NCAM1: variants seen among roughly 807,000 people sequenced by gnomAD.
NCAM1 encodes antigen recognized by monoclonal antibody 5.1H11.
A neutral mutation model predicts 109.8 loss-of-function variants in NCAM1; 14 were observed. That is an observed-to-expected ratio of 0.13 (90% confidence interval 0.08 to 0.20). The LOEUF (loss-of-function observed/expected upper bound fraction) is 0.20. Among genes scored for constraint, NCAM1 ranks in the 10% least tolerant of loss-of-function variants. The pLI is 1.00. For missense variants in NCAM1, 774 were observed against 1,109.9 expected (o/e 0.70, Z 4.30); for synonymous variants, 418 against 442.9 (o/e 0.94, Z 0.70).
In NCAM1 at chr11:113,185,079, T is replaced by TATATATATAG; in HGVS notation, c.53-17299_53-17298insTATATATAGA. Among the ~76,000 whole-genome samples the TATATATATAG allele has an allele frequency of 2.4e-3, 305 of 125,740 alleles. 2 individuals are homozygous for TATATATATAG. Among genetic ancestry groups the TATATATATAG allele is most frequent in the Middle Eastern group, 0.016 (4 of 256 alleles). 82.5% of individuals were successfully genotyped at this position (125,740 alleles called of 152,430 possible). Reference sequence around the variant, plus strand: ...GTGTGCATTTATATTTATATATATATAGAGAGAGAGAGAGAGAGAGAGAGA... The same window carrying TATATATATAG: ...GTGTGCATTTATATTTATATATATATATATATATAGAGAGAGAGAGAGAGAGAGAGAGAGA... On this transcript the variant is annotated intron_variant, in intron 1 of 19. Transcript: ENST00000316851.
chr11:113,040,002 G>C (rs1428114024), intron 1 of NCAM1, among the ~76,000 whole-genome samples: 1 of 152,098 alleles, frequency 6.6e-6, no homozygotes, highest in African/African-American at 2.4e-5. Flanking sequence ...TTATCCGGGC[G>C]TGGTGGCATG....
intron 1 of NCAM1, among the ~76,000 whole-genome samples, chr11:113,195,891 G>A (rs997632585): frequency 4.3e-4 from 62 of 144,982 alleles, no homozygotes; most frequent in African/African-American, 1.6e-3. Flanking sequence ...GTGTCATTGG[G>A]AATTTTGTTT....
intron 8 of NCAM1, among the ~76,000 whole-genome samples, chr11:113,216,432 G>T (rs903174379): frequency 1.3e-5 from 2 of 152,192 alleles, no homozygotes; most frequent in Non-Finnish European, 2.9e-5. Flanking sequence ...GATTACAGGC[G>T]TGAGCCACCG....
chr11:113,228,855 G>A (rs1655349892), intron 9 of NCAM1, among the ~76,000 whole-genome samples: 1 of 152,168 alleles, frequency 6.6e-6, no homozygotes, highest in East Asian at 1.9e-4. Flanking sequence ...TTTAATAAAT[G>A]GTGCTGGGAA....
At chr11:113,182,773 G>C (rs1172622325) in intron 1 of NCAM1, among the ~76,000 whole-genome samples, 2 of 152,148 alleles carry the variant, frequency 1.3e-5, no homozygotes, top group African/African-American at 2.4e-5. Context: ...ACTGGGGAGC[G>C]GGGCTGCAAG....
intron 1 of NCAM1, among the ~76,000 whole-genome samples, chr11:113,049,717 T>C (rs1006672084): frequency 6.6e-6 from 1 of 152,184 alleles, no homozygotes; most frequent in Non-Finnish European, 1.5e-5. Flanking sequence ...TAGCAGGGGC[T>C]CTAACAGAAG....
chr11:113,115,271 G>C (rs1284845845), intron 1 of NCAM1, among the ~76,000 whole-genome samples: 1 of 152,178 alleles, frequency 6.6e-6, no homozygotes. Flanking sequence ...AATAGGTACT[G>C]TGTCAAGGAA....
intron 1 of NCAM1, among the ~76,000 whole-genome samples, chr11:113,040,088 G>A (rs529436135): frequency 6.6e-6 from 1 of 152,170 alleles, no homozygotes; most frequent in Non-Finnish European, 1.5e-5. Flanking sequence ...GTTGCAGTGA[G>A]CCGAGATCGC....
intron 1 of NCAM1, among the ~76,000 whole-genome samples, chr11:113,060,924 C>T (rs1245100): frequency 0.83 from 126,591 of 152,140 alleles, 52,998 homozygotes; most frequent in African/African-American, 0.92. Flanking sequence ...TGGTTAAGAA[C>T]ACTTGACGTA....
At chr11:113,246,754 T>C (rs1191653121) in intron 15 of NCAM1, among the ~76,000 whole-genome samples, 1 of 152,266 alleles carries the variant, frequency 6.6e-6, no homozygotes, top group Non-Finnish European at 1.5e-5. Flanking sequence ...CTAAACACCA[T>C]AGTTGTTCTA....
intron 1 of NCAM1, among the ~76,000 whole-genome samples, chr11:113,006,476 T>C (rs1328981169): frequency 6.6e-6 from 1 of 152,164 alleles, no homozygotes; most frequent in Non-Finnish European, 1.5e-5. Context: ...AAACCTACAA[T>C]TGGTATTCAC....
chr11:113,049,098 G>A (rs1953372407), intron 1 of NCAM1, among the ~76,000 whole-genome samples: 2 of 152,164 alleles, frequency 1.3e-5, no homozygotes, highest in South Asian at 4.1e-4. Context: ...GGGTGTGACA[G>A]CTTCATGGGT....
Position 113,273,277 on chromosome 11 carries a change from G to A in NCAM1, c.2456+1401G>A, listed in dbSNP as rs946664336. On this transcript the variant is annotated intron_variant, in intron 19 of 19. Coordinates refer to ENST00000316851, the MANE Select transcript of NCAM1 (RefSeq NM_181351.5). This position sits in a 1 kb window ranked among gnomAD's most constrained non-coding sequence, Gnocchi z 6.0. ...TCTTCTAGTGTCCTGGCTAACCAAG[G>A]GGCTGTCCTCAGCCCAAGCGCCCCT... 1 of 354,890 alleles carries A rather than the reference G, an allele frequency of 2.8e-6. No homozygotes were observed. The highest frequency in any genetic ancestry group is 5.6e-6 in the Non-Finnish European group (1 of 179,206). 22.0% of individuals were successfully genotyped at this position (354,890 alleles called of 1,614,324 possible).
chr11:113,194,486 A>G (rs1007150791), intron 1 of NCAM1, among the ~76,000 whole-genome samples: 11 of 152,106 alleles, frequency 7.2e-5, no homozygotes, highest in Non-Finnish European at 1.5e-4. Flanking sequence ...ATGAAAAATG[A>G]TAGATTTTGG....
intron 1 of NCAM1, among the ~76,000 whole-genome samples, chr11:113,109,626 G>A (rs1565441652): frequency 6.6e-6 from 1 of 152,168 alleles, no homozygotes; most frequent in Non-Finnish European, 1.5e-5. Flanking sequence ...GTGCTTTCAA[G>A]GAACTGTTTG....
intron 1 of NCAM1, among the ~76,000 whole-genome samples, chr11:113,185,317 C>A (rs1436103): frequency 0.84 from 127,031 of 151,774 alleles, 53,571 homozygotes; most frequent in African/African-American, 0.94. Context: ...ATAGTCAAGC[C>A]GAAAGAAAGA....
rs1315992745 is a variant in NCAM1, at chr11:113,128,712, T to C, written c.53-73667T>C. 2.6e-5 allele frequency among the ~76,000 whole-genome samples: 4 copies of C among 152,220 alleles called. No homozygotes were observed. The East Asian group carries it at 7.7e-4, about 29-fold the overall frequency. On this transcript the variant is annotated intron_variant, in intron 1 of 19. Transcript: ENST00000316851. ...GAAAAATAGGCCTCGTATTTCTCAT[T>C]TTATTGGAGACTCTTTTTAGCAGGG...
intron 1 of NCAM1, among the ~76,000 whole-genome samples, chr11:113,175,107 C>T (rs1282224655): frequency 6.6e-6 from 1 of 152,186 alleles, no homozygotes; most frequent in Non-Finnish European, 1.5e-5. Context: ...CTTAGATTAA[C>T]TGAAGCCTTT....
At chr11:113,190,037 T>C (rs1943631088) in intron 1 of NCAM1, among the ~76,000 whole-genome samples, 1 of 152,148 alleles carries the variant, frequency 6.6e-6, no homozygotes, top group East Asian at 1.9e-4. Context: ...GTTTGTGTGT[T>C]TGGTCGTGTT....
Sources: gnomAD v4.1 joint callset for allele counts (sites outside exome capture counted in the v4.1 genomes callset) on GRCh38, gnomAD v4.1.1 for gene constraint, Gnocchi (gnomAD v3.1) non-coding constraint, MANE v1.5 for transcripts, NCBI Gene and HGNC (gene_info 2026-07-23, HGNC 2026-07-21) for gene names.